ARHGEF28: variants seen among roughly 807,000 people sequenced by gnomAD.
The protein encoded by ARHGEF28 is 190 kDa guanine nucleotide exchange factor.
In ARHGEF28, 152 loss-of-function variants were observed where a neutral mutation model predicts 206.6. The ratio of observed to expected loss-of-function variants is 0.74; its 90% CI spans 0.64 to 0.84. The LOEUF (loss-of-function observed/expected upper bound fraction) is 0.84. Among genes scored for constraint, ARHGEF28 ranks in the 40% least tolerant of loss-of-function variants. The pLI is 0.00. For missense variants in ARHGEF28, 2,028 were observed against 2,073.2 expected (o/e 0.98, Z 0.42); for synonymous variants, 763 against 776.4 (o/e 0.98, Z 0.29).
chr5:73,746,231 A>G (rs941873074), intron 2 of ARHGEF28, among the ~76,000 whole-genome samples: 1 of 152,146 alleles, frequency 6.6e-6, no homozygotes, highest in Non-Finnish European at 1.5e-5. Flanking sequence ...AAATGTTTAT[A>G]AAGAGTTGTT....
chr5:73,894,668 G>A, intron 29 of ARHGEF28, 93 bp downstream of exon 29: 1 of 1,389,540 alleles, frequency 7.2e-7, no homozygotes, highest in Non-Finnish European at 9.7e-7. Flanking sequence ...TTGGTGCTGA[G>A]GATACAGCAG....
rs956378444 is a variant in ARHGEF28, at chr5:73,794,057, C to T, written c.911-345C>T. 2.0e-5 allele frequency among the ~76,000 whole-genome samples: 3 copies of T among 152,168 alleles called. No homozygotes were observed. In the South Asian group the frequency reaches 6.2e-4, roughly 32 times the overall value. On this transcript the variant is annotated intron_variant, in intron 7 of 35. Transcript: ENST00000513042. ...GATTTCCTCAGGTGGGTACGAGTCACGTCCTTACAATCTGCTATTTTGAAG... is the reference window on the plus strand; with the variant it reads ...GATTTCCTCAGGTGGGTACGAGTCATGTCCTTACAATCTGCTATTTTGAAG...
intron 7 of ARHGEF28, among the ~76,000 whole-genome samples, chr5:73,782,800 T>C (rs1233029076): frequency 2.0e-4 from 31 of 152,254 alleles, no homozygotes; most frequent in Admixed American, 2.0e-3. Flanking sequence ...AGCTCACTTT[T>C]ACTGCTGTAC....
At chr5:73,701,420 C>G (rs17732156) in intron 2 of ARHGEF28, among the ~76,000 whole-genome samples, 1 of 151,980 alleles carries the variant, frequency 6.6e-6, no homozygotes, top group Non-Finnish European at 1.5e-5. Context: ...TATTGGTAAC[C>G]GCCATTGTGC....
intron 2 of ARHGEF28, among the ~76,000 whole-genome samples, chr5:73,696,640 T>C (rs1748235333): frequency 6.6e-6 from 1 of 152,222 alleles, no homozygotes; most frequent in Non-Finnish European, 1.5e-5. Flanking sequence ...TCAATCTAAT[T>C]TTGTTTTTAT....
intron 9 of ARHGEF28, among the ~76,000 whole-genome samples, chr5:73,824,184 T>A (rs1485479842): frequency 6.6e-6 from 1 of 152,232 alleles, no homozygotes; most frequent in Non-Finnish European, 1.5e-5. Flanking sequence ...CTATCTGATA[T>A]TTTAAGTAAA....
intron 4 of ARHGEF28, among the ~76,000 whole-genome samples, chr5:73,765,558 A>G (rs1434116446): frequency 1.3e-5 from 2 of 152,188 alleles, no homozygotes; most frequent in Non-Finnish European, 1.5e-5. Context: ...AACTTACACT[A>G]TTTTCTACTT....
At chr5:73,860,523 C>CT (rs1428262756) in intron 16 of ARHGEF28, among the ~76,000 whole-genome samples, 1 of 152,126 alleles carries the variant, frequency 6.6e-6, no homozygotes, top group East Asian at 1.9e-4. Context: ...AGCTTCAACC[C>CT]TGGCTGCTTT....
chr5:73,642,895 T>C (rs1297360094), intron 1 of ARHGEF28, among the ~76,000 whole-genome samples: 1 of 152,256 alleles, frequency 6.6e-6, no homozygotes, highest in Admixed American at 6.5e-5. Context: ...GCAGTCACTG[T>C]TACATTTTAA....
Position 73,901,275 on chromosome 5 carries a change from A to G in ARHGEF28, c.4065A>G (p.Ala1355=). The G allele has an allele frequency of 1.2e-6, 2 of 1,612,598 alleles. No individual in the cohort carries two copies. The highest frequency in any genetic ancestry group is 1.7e-5 in the Admixed American group (1 of 59,948). Reference sequence around the variant, plus strand: ...TAACCGACTTGGCCGTCTCTGATGCAGGGGAGAAGGTATTGTGAACTGATT... The same window carrying G: ...TAACCGACTTGGCCGTCTCTGATGCGGGGGAGAAGGTATTGTGAACTGATT... ...GVVTDLAVSD[A]GEKVECRNFP... is the part of the protein sequence containing the mutation. Residue 1355 remains alanine, a synonymous_variant, in exon 31 of 36, where the codon GCA becomes GCG. Coordinates refer to ENST00000513042, the MANE Select transcript of ARHGEF28 (RefSeq NM_001177693.2).
intron 16 of ARHGEF28, among the ~76,000 whole-genome samples, chr5:73,860,018 T>C (rs988425844): frequency 1.3e-5 from 2 of 152,254 alleles, no homozygotes; most frequent in Non-Finnish European, 2.9e-5. Context: ...TCTTTCCTCA[T>C]TGTTCAGACT....
chr5:73,775,881 GTCTTGAATATACATGACTCTCCAAAA>G (rs1479148303), intron 5 of ARHGEF28, among the ~76,000 whole-genome samples: 1 of 37,344 alleles, frequency 2.7e-5, no homozygotes, highest in South Asian at 7.9e-4. Context: ...GTATATTCAA[GTCTTGAATATACATGACTCTCCAAAA>G]AACACATAAT....
chr5:73,708,193 T>A (rs1172115909), intron 2 of ARHGEF28, among the ~76,000 whole-genome samples: 3 of 152,046 alleles, frequency 2.0e-5, no homozygotes, highest in African/African-American at 7.2e-5. Context: ...AAAGTTTTTT[T>A]TTTTTAATTT....
intron 35 of ARHGEF28, among the ~76,000 whole-genome samples, chr5:73,931,894 G>GA (rs1431500988): frequency 6.6e-6 from 1 of 152,132 alleles, no homozygotes; most frequent in Non-Finnish European, 1.5e-5. Context: ...AAAATATGTA[G>GA]AACAATGCCT....
chr5:73,735,584 G>A (rs112916236), intron 2 of ARHGEF28, among the ~76,000 whole-genome samples: 2 of 152,314 alleles, frequency 1.3e-5, no homozygotes, highest in African/African-American at 4.8e-5. Context: ...GCAGGGTACT[G>A]AGAAAGAGAC....
At chr5:73,750,848 A>G (rs1751984106) in intron 3 of ARHGEF28, among the ~76,000 whole-genome samples, 1 of 152,090 alleles carries the variant, frequency 6.6e-6, no homozygotes, top group Non-Finnish European at 1.5e-5. Flanking sequence ...AATTTTTATT[A>G]GAGTTAAGAT....
intron 1 of ARHGEF28, among the ~76,000 whole-genome samples, chr5:73,644,775 C>T (rs1291400018): frequency 6.6e-6 from 1 of 152,174 alleles, no homozygotes; most frequent in Non-Finnish European, 1.5e-5. Flanking sequence ...AATTACAAAT[C>T]CCTGGGCACT....
At position 73,753,132 on chromosome 5, in the gene ARHGEF28, G is replaced by T. The variant is rs2112404264; in HGVS notation, c.405G>T (p.Glu135Asp). Residue 135 changes from glutamate to aspartate, a missense_variant, in exon 4 of 36, where the codon GAG (glutamate) becomes GAT (aspartate). Glu to Asp is a conservative substitution (Grantham distance 45). Coordinates refer to ENST00000513042, the MANE Select transcript of ARHGEF28 (RefSeq NM_001177693.2). ...TAGALPALDE[E>D]LVLALTHLEL... ...GAGCACTGCCTGCCTTGGATGAGGA[G>T]CTCGTGCTGGCTCTGACCCATCTGG... 1.3e-6 allele frequency: 2 copies of T among 1,575,894 alleles called. No homozygotes were observed. The highest frequency in any genetic ancestry group is 1.7e-6 in the Non-Finnish European group (2 of 1,161,432).
intron 9 of ARHGEF28, among the ~76,000 whole-genome samples, chr5:73,825,671 C>T (rs1756864440): frequency 6.6e-6 from 1 of 152,152 alleles, no homozygotes; most frequent in African/African-American, 2.4e-5. Context: ...ACCGTGGTGG[C>T]TTGCCTGGTG....
Sources: allele counts gnomAD v4.1 joint callset (sites outside exome capture counted in the v4.1 genomes callset), GRCh38; gene constraint gnomAD v4.1.1; transcripts MANE v1.5; gene names NCBI Gene and HGNC (gene_info 2026-07-23, HGNC 2026-07-21).